Variants in ABCD4 observed in about 807,000 individuals in gnomAD.
ABCD4 encodes ATP binding cassette subfamily D member 4.
ABCD4 carries 53 observed loss-of-function variants against 86.3 expected under a neutral mutation model. The observed-to-expected ratio is 0.61, with a 90% CI of 0.49 to 0.77. The LOEUF is 0.77. Among genes scored for constraint, ABCD4 ranks in the 30% least tolerant of loss-of-function variants. The pLI is 0.00. For synonymous variants in ABCD4, 328 were observed against 313.6 expected, an observed-to-expected ratio of 1.05 and a Z score of -0.49; for missense variants, 757 against 764.5, an observed-to-expected ratio of 0.99 and a Z score of 0.12.
At chr14:74,300,080 A>C in intron 2 of ABCD4, 70 bp downstream of exon 2, 1 of 846,296 alleles carries the variant, frequency 1.2e-6, no homozygotes, top group African/African-American at 1.7e-5. Flanking sequence ...AAAAAAAAAA[A>C]AAAAAAAGAT....
At chr14:74,288,531 G>A in intron 15 of ABCD4, 185 bp downstream of exon 15, 1 of 694,496 alleles carries the variant, frequency 1.4e-6, no homozygotes. Flanking sequence ...ATTCTCCAAT[G>A]AGAGCACTAC....
chr14:74,289,321 C>T, intron 14 of ABCD4, 162 bp downstream of exon 14: 1 of 1,430,352 alleles, frequency 7.0e-7, no homozygotes, highest in Admixed American at 2.9e-5. Flanking sequence ...GATCTGGGTA[C>T]AGACCCCAAA....
intron 11 of ABCD4, 47 bp downstream of exon 11, chr14:74,292,240 G>T: frequency 6.3e-7 from 1 of 1,592,190 alleles, no homozygotes; most frequent in Non-Finnish European, 8.6e-7. Flanking sequence ...GCCAGGTGAT[G>T]CCACAGCCTG....
Position 74,290,683 on chromosome 14 carries a change from C to CTTT in ABCD4, c.1119-187_1119-185dup, listed in dbSNP as rs35144250. Among the ~76,000 whole-genome samples the CTTT allele has an allele frequency of 3.7e-3, 389 of 103,892 alleles. 13 individuals carry two copies. The highest frequency in any genetic ancestry group is 0.012 in the African/African-American group (309 of 25,404). 68.2% of individuals were successfully genotyped at this position (103,892 alleles called of 152,430 possible). On this transcript the variant is annotated intron_variant, in intron 11 of 18. Coordinates refer to ENST00000356924, the MANE Select transcript of ABCD4 (RefSeq NM_005050.4). ...ATGTAACTGCATTCGGAGGCAGGGT[C>CTTT]TTTTTTTTTTTTTTTTTTTTTGAGA...
At chr14:74,295,287 C>G (rs1040714058) in intron 6 of ABCD4, 89 bp from the exon 7 acceptor site, 17 of 1,494,554 alleles carry the variant, frequency 1.1e-5, no homozygotes, top group Admixed American at 1.8e-5. Flanking sequence ...ACCGCCCAAG[C>G]GGAGCCCGGC....
chr14:74,287,964 AAG>A (rs2080287340), intron 16 of ABCD4, 78 bp from the exon 17 acceptor site: 1 of 1,387,538 alleles, frequency 7.2e-7, no homozygotes, highest in Admixed American at 1.9e-5. Flanking sequence ...TCTGGGTAGG[AAG>A]AGGTTTCTCT....
At position 74,295,211 on chromosome 14, in the gene ABCD4, A is replaced by C. The variant is rs144451801; in HGVS notation, c.669-13T>G. 1.5e-3 allele frequency: 2,407 copies of C among 1,614,124 alleles called. 27 individuals are homozygous for C. The African/African-American group carries it at 0.028, about 19-fold the overall frequency. ...CATGTGCTTGAACCTGGGCGGACCAAAGGGAAATGTGTGCTGACAACAGGG... is the reference window on the plus strand; with the variant it reads ...CATGTGCTTGAACCTGGGCGGACCACAGGGAAATGTGTGCTGACAACAGGG... On this transcript the variant is annotated splice_polypyrimidine_tract_variant and intron_variant, in intron 6 of 18. Coordinates refer to ENST00000356924, the MANE Select transcript of ABCD4 (RefSeq NM_005050.4).
At chr14:74,301,723 C>A (rs193122061) in intron 1 of ABCD4, among the ~76,000 whole-genome samples, 13 of 148,184 alleles carry the variant, frequency 8.8e-5, no homozygotes, top group East Asian at 8.0e-4. Context: ...ACTGGCCAAC[C>A]CCCCCATCTT....
intron 1 of ABCD4, 104 bp downstream of exon 1, chr14:74,302,771 A>G: frequency 7.9e-7 from 1 of 1,271,184 alleles, no homozygotes; most frequent in Non-Finnish European, 1.0e-6. Flanking sequence ...CGGGGGCGAG[A>G]CGGGGGCGCC....
intron 3 of ABCD4, 150 bp downstream of exon 3, chr14:74,299,398 T>C: frequency 1.0e-6 from 1 of 992,868 alleles, no homozygotes; most frequent in Non-Finnish European, 1.5e-6. Context: ...ACGTGCTTAA[T>C]AAAGGCAACT....
At chr14:74,292,722 G>A (rs367951803) in intron 9 of ABCD4, 26 bp downstream of exon 9, 7 of 1,613,884 alleles carry the variant, frequency 4.3e-6, no homozygotes, top group Middle Eastern at 1.6e-4. Flanking sequence ...GGGACAGCAT[G>A]TGGGGTGACC....
At position 74,292,523 on chromosome 14, in the gene ABCD4, G is replaced by A. The variant is rs774936073; in HGVS notation, c.1028+28C>T. On this transcript the variant is annotated intron_variant, in intron 10 of 18. Transcript: ENST00000356924. ...TGCCAGCAGCACACACTTTGCTCAG[G>A]AGCCAGAGGGGTGGGACACGGCCTC... The A allele has an allele frequency of 6.2e-6, 10 of 1,611,570 alleles. No homozygotes were observed. The South Asian group carries it at 8.8e-5, about 14-fold the overall frequency.
At chr14:74,292,469 C>CTCTGTTCCTTT in intron 10 of ABCD4, 82 bp downstream of exon 10, 1 of 1,590,254 alleles carries the variant, frequency 6.3e-7, no homozygotes, top group Non-Finnish European at 8.6e-7. Flanking sequence ...CATGGTATGT[C>CTCTGTTCCTTT]TCTGTTCCTT....
intron 17 of ABCD4, among the ~76,000 whole-genome samples, 165 bp downstream of exon 17, chr14:74,287,645 G>A (rs539848362): frequency 2.1e-4 from 32 of 152,140 alleles, no homozygotes; most frequent in African/African-American, 7.5e-4. Flanking sequence ...TAACTCTGAC[G>A]ATGCCAGGCA....
chr14:74,298,607 G>A (rs576078315), intron 3 of ABCD4, among the ~76,000 whole-genome samples: 200 of 152,292 alleles, frequency 1.3e-3, no homozygotes, highest in African/African-American at 4.8e-3. Context: ...CCAGAGGCAA[G>A]ACCCTCTTTC....
chr14:74,298,518 G>A (rs375756903), intron 3 of ABCD4, among the ~76,000 whole-genome samples: 3 of 152,272 alleles, frequency 2.0e-5, no homozygotes, highest in African/African-American at 7.2e-5. Context: ...TGATCCGCCC[G>A]CCTCGGCCTC....
chr14:74,302,884 G>C lies in ABCD4; in HGVS notation c.29C>G (p.Ala10Gly). 2 of 1,607,436 alleles carry C rather than the reference G, an allele frequency of 1.2e-6. No homozygotes were observed. The highest frequency in any genetic ancestry group is 1.7e-6 in the Non-Finnish European group (2 of 1,177,208). ...CGACCGCCCTGCTTACCTGGCGCCA[G>C]CTCCGGGCGCGGGCCCCGCGACCGC... is the stretch of plus-strand genomic sequence containing the variant. MAVAGPAPG[A>G]GARPRLDLQF... is the part of the protein sequence containing the mutation. Residue 10 changes from alanine (A) to glycine (G), a missense_variant, in exon 1 of 19, where the codon GCT (alanine) becomes GGT (glycine). Coordinates refer to ENST00000356924, the MANE Select transcript of ABCD4 (RefSeq NM_005050.4).
chr14:74,287,999 A>C (rs2080298010), intron 16 of ABCD4, 113 bp from the exon 17 acceptor site: 2 of 1,142,208 alleles, frequency 1.8e-6, no homozygotes, highest in African/African-American at 3.1e-5. Flanking sequence ...GCCCCAGGAG[A>C]CAGAAGCCCC....
chr14:74,299,304 C>T (rs948172214), intron 3 of ABCD4: 7 of 433,918 alleles, frequency 1.6e-5, no homozygotes, highest in Admixed American at 3.7e-5. Context: ...CTGCTAAATG[C>T]TGAATTAAAC....
Sources: allele counts gnomAD v4.1 joint callset (sites outside exome capture counted in the v4.1 genomes callset), GRCh38; gene constraint gnomAD v4.1.1; transcripts MANE v1.5; gene names NCBI Gene and HGNC (gene_info 2026-07-23, HGNC 2026-07-21).